Variants in PRKAR2B observed in about 807,000 individuals in gnomAD.
PRKAR2B encodes cAMP-dependent protein kinase type II-beta regulatory subunit.
A neutral mutation model predicts 49.9 loss-of-function variants in PRKAR2B; 14 were observed. The observed-to-expected ratio is 0.28, with a 90% CI of 0.19 to 0.44. The LOEUF is 0.44. PRKAR2B is among the 20% of genes least tolerant of loss of function. The pLI is 1.00. For synonymous variants in PRKAR2B, 196 were observed against 197.7 expected (o/e 0.99, Z 0.07); for missense variants, 393 against 537.9 (o/e 0.73, Z 2.67).
chr7:107,048,272 A>G (rs966778288), intron 1 of PRKAR2B, among the ~76,000 whole-genome samples: 30 of 152,230 alleles, frequency 2.0e-4, no homozygotes, highest in African/African-American at 7.2e-4. Flanking sequence ...AAGGTCACAC[A>G]TAAAACGAGT....
chr7:107,132,205 C>A (rs999438532), intron 4 of PRKAR2B, among the ~76,000 whole-genome samples: 1 of 152,174 alleles, frequency 6.6e-6, no homozygotes, highest in African/African-American at 2.4e-5. Context: ...AATGTTATCA[C>A]TAGAGCCTAA....
chr7:107,077,368 A>T (rs1050045987), intron 2 of PRKAR2B: 62 of 152,232 alleles, frequency 4.1e-4, no homozygotes, highest in African/African-American at 1.4e-3. Context: ...CTCATAGTGT[A>T]GTAAATGCCG....
At chr7:107,097,672 G>A (rs996970983) in intron 2 of PRKAR2B, among the ~76,000 whole-genome samples, 1 of 152,082 alleles carries the variant, frequency 6.6e-6, no homozygotes, top group African/African-American at 2.4e-5. Flanking sequence ...CATGTTTAGT[G>A]CTTCCTTCAG....
At chr7:107,097,641 C>T (rs1414270068) in intron 2 of PRKAR2B, among the ~76,000 whole-genome samples, 7 of 152,142 alleles carry the variant, frequency 4.6e-5, no homozygotes, top group Non-Finnish European at 8.8e-5. Flanking sequence ...TTTGCAGTGG[C>T]TGGTACCAGT....
chr7:107,089,684 A>G (rs1291513812), intron 2 of PRKAR2B, among the ~76,000 whole-genome samples: 2 of 152,248 alleles, frequency 1.3e-5, no homozygotes, highest in African/African-American at 2.4e-5. Context: ...CATGGAACAT[A>G]AAAACTAAAT....
At chr7:107,153,293 C>T in intron 8 of PRKAR2B, 42 bp downstream of exon 8, 2 of 1,433,170 alleles carry the variant, frequency 1.4e-6, no homozygotes, top group Non-Finnish European at 1.9e-6. Flanking sequence ...GGTTATATTC[C>T]AAAAGGTTCC....
intron 7 of PRKAR2B, among the ~76,000 whole-genome samples, chr7:107,151,262 T>C (rs1179925929): frequency 1.3e-5 from 2 of 152,368 alleles, no homozygotes; most frequent in East Asian, 1.9e-4. Context: ...AGCAAATTTA[T>C]ATGTGGTCTT....
chr7:107,123,681 A>C (rs1235122875), intron 3 of PRKAR2B, among the ~76,000 whole-genome samples: 1 of 152,212 alleles, frequency 6.6e-6, no homozygotes, highest in Admixed American at 6.5e-5. Flanking sequence ...GGGTAGGGCC[A>C]GGGTCAAAAA....
intron 2 of PRKAR2B, among the ~76,000 whole-genome samples, chr7:107,089,209 GA>G (rs1329521548): frequency 2.6e-5 from 4 of 152,212 alleles, no homozygotes; most frequent in Admixed American, 1.3e-4. Context: ...TTACACATGA[GA>G]AAAATTGAGA....
intron 4 of PRKAR2B, chr7:107,133,627 C>T (rs906990795): frequency 3.3e-5 from 5 of 152,172 alleles, no homozygotes; most frequent in Admixed American, 3.3e-4. Context: ...TCAACCTTGG[C>T]TGCTGTTCCA....
At chr7:107,150,805 A>G (rs536677877) in intron 6 of PRKAR2B, 117 bp from the exon 7 acceptor site, 1 of 588,944 alleles carries the variant, frequency 1.7e-6, no homozygotes, top group African/African-American at 2.0e-5. Context: ...TAAAAGTATA[A>G]TGATGTTAAT....
intron 6 of PRKAR2B, among the ~76,000 whole-genome samples, chr7:107,147,365 A>T (rs1795913009): frequency 6.6e-6 from 1 of 152,222 alleles, no homozygotes. Flanking sequence ...CAGAATCTTC[A>T]GCACTGGGAC....
At chr7:107,061,866 C>T (rs749860051) in intron 1 of PRKAR2B, among the ~76,000 whole-genome samples, 10 of 152,032 alleles carry the variant, frequency 6.6e-5, no homozygotes, top group Non-Finnish European at 1.3e-4. Context: ...CACTGCACTC[C>T]AACCTGGGCG....
At chr7:107,076,990 G>A (rs1794411416) in intron 2 of PRKAR2B, among the ~76,000 whole-genome samples, 1 of 152,072 alleles carries the variant, frequency 6.6e-6, no homozygotes, top group East Asian at 1.9e-4. Flanking sequence ...CTTTTGTTTT[G>A]TTTGGGAAAT....
chr7:107,122,574 A>C (rs1427660737), intron 3 of PRKAR2B, among the ~76,000 whole-genome samples: 1 of 152,230 alleles, frequency 6.6e-6, no homozygotes, highest in East Asian at 1.9e-4. Context: ...GTAAACTAAA[A>C]GATGACTATG....
At chr7:107,055,347 C>T (rs1487160237) in intron 1 of PRKAR2B, among the ~76,000 whole-genome samples, 1 of 152,182 alleles carries the variant, frequency 6.6e-6, no homozygotes, top group Non-Finnish European at 1.5e-5. Flanking sequence ...ATGGCTGGGT[C>T]AAATGGTATT....
intron 3 of PRKAR2B, among the ~76,000 whole-genome samples, chr7:107,126,653 G>C (rs1024966336): frequency 2.6e-5 from 4 of 152,166 alleles, no homozygotes; most frequent in Non-Finnish European, 5.9e-5. Context: ...CATCTCGGTT[G>C]CTTTGGTTTG....
intron 1 of PRKAR2B, among the ~76,000 whole-genome samples, chr7:107,048,646 C>T (rs754243899): frequency 2.6e-5 from 4 of 152,186 alleles, no homozygotes; most frequent in African/African-American, 4.8e-5. Flanking sequence ...AAAATGTTGT[C>T]TGGCCAGGGG....
chr7:107,124,384 C>T (rs1795446032), intron 3 of PRKAR2B, among the ~76,000 whole-genome samples: 1 of 152,154 alleles, frequency 6.6e-6, no homozygotes, highest in Non-Finnish European at 1.5e-5. Flanking sequence ...CAAGTCTCTG[C>T]CCTCTTGGAG....
Sources: gnomAD v4.1 joint callset for allele counts (sites outside exome capture counted in the v4.1 genomes callset) on GRCh38, gnomAD v4.1.1 for gene constraint, MANE v1.5 for transcripts, NCBI Gene and HGNC (gene_info 2026-07-23, HGNC 2026-07-21) for gene names.